Variants in LPA observed in about 807,000 individuals in gnomAD.
The protein encoded by LPA is apolipoprotein(a).
Under a neutral mutation model 197.9 loss-of-function variants are expected in LPA, and 199 were observed. That is an observed-to-expected ratio of 1.01 (90% CI 0.90 to 1.13). LPA has a LOEUF of 1.13. LPA is among the 50% of genes most tolerant of loss of function. The probability of loss-of-function intolerance (pLI) is 0.00; values close to 1 mark genes in which losing one functional copy is unlikely to be tolerated. For missense variants in LPA, 1,853 were observed against 1,785.8 expected (o/e 1.04, Z -0.68); for synonymous variants, 715 against 639.5 (o/e 1.12, Z -1.78).
chr6:160,553,422 T>C (rs541426411), intron 30 of LPA, among the ~76,000 whole-genome samples: 75 of 152,316 alleles, frequency 4.9e-4, no homozygotes, highest in Non-Finnish European at 9.1e-4. Context: ...GGTGGCAGAA[T>C]ACGTATTTAC....
intron 25 of LPA, 59 bp from the exon 26 acceptor site, chr6:160,585,264 A>T: frequency 6.5e-7 from 1 of 1,536,480 alleles, no homozygotes. Flanking sequence ...ATGTGAAAAA[A>T]ATTATGACAC....
chr6:160,545,269 A>T (rs1778047412), intron 33 of LPA, among the ~76,000 whole-genome samples, 171 bp downstream of exon 33: 1 of 151,936 alleles, frequency 6.6e-6, no homozygotes, highest in African/African-American at 2.4e-5. Context: ...TGGGGCCAAT[A>T]GTAGGGCAGG....
chr6:160,582,241 A>AT (rs1251998583), intron 26 of LPA, among the ~76,000 whole-genome samples: 2 of 146,170 alleles, frequency 1.4e-5, no homozygotes, highest in East Asian at 4.1e-4. Flanking sequence ...ATATTATTCC[A>AT]TTTTTTCTGA....
intron 2 of LPA, among the ~76,000 whole-genome samples, chr6:160,647,830 C>T (rs532039659): frequency 6.4e-4 from 97 of 152,260 alleles, no homozygotes; most frequent in African/African-American, 2.2e-3. Flanking sequence ...TGCTTCAACT[C>T]GTCAACTCTC....
At chr6:160,558,140 C>G (rs1285277259) in intron 28 of LPA, among the ~76,000 whole-genome samples, 1 of 152,050 alleles carries the variant, frequency 6.6e-6, no homozygotes, top group Admixed American at 6.5e-5. Context: ...AGGATGGTCT[C>G]AATCTCCTGA....
At chr6:160,572,855 A>C (rs1023669091) in intron 28 of LPA, among the ~76,000 whole-genome samples, 1 of 152,150 alleles carries the variant, frequency 6.6e-6, no homozygotes, top group African/African-American at 2.4e-5. Flanking sequence ...CTTCGTCTTA[A>C]CTTTGCATAA....
chr6:160,594,119 T>A lies in LPA; in HGVS notation c.3470-2A>T. The A allele has an allele frequency of 3.7e-6, 6 of 1,613,812 alleles. No homozygotes were observed. Among genetic ancestry groups the A allele is most frequent in the Non-Finnish European group, 5.1e-6 (6 of 1,179,780 alleles). ...CCCCGGGGCTTTGCTCCGTTGGTGCTGAAATTCAAAGAGGAGAAATCAAGC... is the reference window on the plus strand; with the variant it reads ...CCCCGGGGCTTTGCTCCGTTGGTGCAGAAATTCAAAGAGGAGAAATCAAGC... On this transcript the variant is annotated splice_acceptor_variant, in intron 21 of 38. Coordinates refer to ENST00000316300, the MANE Select transcript of LPA (RefSeq NM_005577.4). LOFTEE classifies it high-confidence loss of function.
chr6:160,594,070 C>A lies in LPA; in HGVS notation c.3517G>T (p.Gly1173Ter), dbSNP rs1283234371. The change falls in exon 22 of 39, where the codon GGA becomes TGA. Residue 1173 changes from glycine (G) to a stop codon, truncating the protein, a stop_gained. Coordinates refer to ENST00000316300, the MANE Select transcript of LPA (RefSeq NM_005577.4). LOFTEE classifies it high-confidence loss of function. ...PGVQDCYHGD[G>*]QSYRGSFSTT... ...GAGAATGAGCCTCGATAACTCTGTC[C>A]ATCACCATGGTAGCAATCCTGGACC... The A allele has an allele frequency of 8.1e-6, 13 of 1,613,802 alleles. No individual in the cohort carries two copies. The highest frequency in any genetic ancestry group is 1.1e-5 in the Non-Finnish European group (13 of 1,179,866).
chr6:160,536,971 G>A (rs539529491), intron 37 of LPA, among the ~76,000 whole-genome samples: 78 of 152,282 alleles, frequency 5.1e-4, no homozygotes, highest in Non-Finnish European at 8.4e-4. Context: ...TACAGATAAG[G>A]GATTAGAGCC....
At chr6:160,541,481 C>T (rs1353744305) in intron 34 of LPA, among the ~76,000 whole-genome samples, 2 of 152,240 alleles carry the variant, frequency 1.3e-5, no homozygotes, top group East Asian at 3.9e-4. Flanking sequence ...TGGCTTTCAC[C>T]CCACAGCCCT....
intron 35 of LPA, 132 bp from the exon 36 acceptor site, chr6:160,540,315 C>G (rs575851371): frequency 7.6e-6 from 7 of 922,452 alleles, no homozygotes; most frequent in East Asian, 4.9e-5. Flanking sequence ...TGGCAAGAAA[C>G]AAAATTCACA....
At chr6:160,654,058 A>ATATAATATATAT (rs1780079825) in intron 1 of LPA, among the ~76,000 whole-genome samples, 21 of 6,534 alleles carry the variant, frequency 3.2e-3, no homozygotes, top group African/African-American at 8.1e-3. Flanking sequence ...ATAATATATT[A>ATATAATATATAT]TATATATTAT....
At chr6:160,607,112 G>T (rs1779372141) in intron 16 of LPA, among the ~76,000 whole-genome samples, 1 of 151,948 alleles carries the variant, frequency 6.6e-6, no homozygotes, top group African/African-American at 2.4e-5. Flanking sequence ...CAACTAACAG[G>T]TAGTTCTTCA....
chr6:160,532,749 C>T, intron 37 of LPA, 100 bp from the exon 38 acceptor site: 2 of 818,078 alleles, frequency 2.4e-6, no homozygotes, highest in Non-Finnish European at 4.3e-6. Context: ...TCCTGTCTGT[C>T]CGTGAGGCTG....
intron 28 of LPA, among the ~76,000 whole-genome samples, chr6:160,566,047 A>G (rs866497618): frequency 3.9e-5 from 6 of 152,318 alleles, no homozygotes; most frequent in Non-Finnish European, 5.9e-5. Context: ...GACCAAATCT[A>G]CATCTGCTTG....
intron 30 of LPA, among the ~76,000 whole-genome samples, chr6:160,553,937 C>CTCTGTGTGTGTGTG (rs372637630): frequency 1.4e-4 from 19 of 139,138 alleles, no homozygotes; most frequent in East Asian, 1.0e-3. Flanking sequence ...CTCTCTCTCT[C>CTCTGTGTGTGTGTG]TGTGTGTGTG....
intron 18 of LPA, among the ~76,000 whole-genome samples, chr6:160,604,559 CA>C (rs1450534820): frequency 1.3e-5 from 2 of 152,126 alleles, no homozygotes; most frequent in African/African-American, 4.8e-5. Context: ...CACTGGTGGT[CA>C]GAACCGACTG....
intron 28 of LPA, among the ~76,000 whole-genome samples, chr6:160,570,277 C>A (rs962389651): frequency 6.6e-6 from 1 of 152,204 alleles, no homozygotes; most frequent in Non-Finnish European, 1.5e-5. Context: ...AAATGTGGCA[C>A]ATATACACCA....
rs1297286469 is a variant in LPA, at chr6:160,578,635, G to A, written c.4359C>T (p.Pro1453=). 1 of 1,613,988 alleles carries A rather than the reference G, an allele frequency of 6.2e-7. No individual in the cohort carries two copies. The highest frequency in any genetic ancestry group is 1.1e-5 in the South Asian group (1 of 91,076). Residue 1453 remains proline (P), a synonymous_variant, in exon 27 of 39, where the codon CCC becomes CCT. Coordinates refer to ENST00000316300, the MANE Select transcript of LPA (RefSeq NM_005577.4). ...EIRPWCYTMD[P]SVRWEYCNLT... ...GGTTGCAGTACTCCCACCTGACACT[G>A]GGATCCATGGTGTAACACCAAGGGC...
Sources: gnomAD v4.1 joint callset for allele counts (sites outside exome capture counted in the v4.1 genomes callset) on GRCh38, gnomAD v4.1.1 for gene constraint, MANE v1.5 for transcripts, NCBI Gene and HGNC (gene_info 2026-07-23, HGNC 2026-07-21) for gene names.